The following HACE1 variants were observed in gnomAD, a reference collection of about 807,000 sequenced individuals.
The protein encoded by HACE1 is E3 ubiquitin-protein ligase HACE1.
HACE1 carries 73 observed loss-of-function variants against 118.4 expected under a neutral mutation model. The observed-to-expected ratio is 0.62, with a 90% CI of 0.51 to 0.75. HACE1 has a LOEUF of 0.75. Among genes scored for constraint, HACE1 ranks in the 30% least tolerant of loss-of-function variants. The probability of loss-of-function intolerance (pLI) is 0.00; values close to 1 mark genes in which losing one functional copy is unlikely to be tolerated. For synonymous variants in HACE1, 368 were observed against 374.8 expected (o/e 0.98, Z 0.21); for missense variants, 749 against 1,102.2 (o/e 0.68, Z 4.54).
chr6:104,799,119 T>C (rs1337215375), intron 7 of HACE1, among the ~76,000 whole-genome samples: 1 of 152,222 alleles, frequency 6.6e-6, no homozygotes, highest in Non-Finnish European at 1.5e-5. Flanking sequence ...TAGGATATAC[T>C]AGGTAACAAG....
chr6:104,790,273 T>C (rs940584769), intron 11 of HACE1, among the ~76,000 whole-genome samples: 2 of 152,208 alleles, frequency 1.3e-5, no homozygotes, highest in Non-Finnish European at 2.9e-5. Flanking sequence ...ACTTTATTTT[T>C]ACCTTTTTGC....
intron 11 of HACE1, 50 bp from the exon 12 acceptor site, chr6:104,785,369 T>TAAAAAAAAAAAAAAAAAAAAAAAAAA: frequency 1.3e-6 from 1 of 743,258 alleles, no homozygotes; most frequent in African/African-American, 1.9e-5. Flanking sequence ...ACTACAGGAT[T>TAAAAAAAAAAAAAAAAAAAAAAAAAA]AAAAAAAAAA....
intron 19 of HACE1, among the ~76,000 whole-genome samples, chr6:104,769,464 T>C (rs188366369): frequency 5.3e-5 from 8 of 152,326 alleles, no homozygotes; most frequent in East Asian, 1.9e-4. Flanking sequence ...TTACCCTTAA[T>C]TGAGGGTAGG....
In HACE1 at chr6:104,784,496, A is replaced by C; in HGVS notation, c.1410-11T>G. ...CGAGGTGAAGTCATTCTGTGGGGGGAAAACATCAATCAGAATACACAGGCA... is the reference window on the plus strand; with the variant it reads ...CGAGGTGAAGTCATTCTGTGGGGGGCAAACATCAATCAGAATACACAGGCA... On this transcript the variant is annotated splice_polypyrimidine_tract_variant and intron_variant, in intron 12 of 23. Transcript: ENST00000262903. 1 of 1,594,022 alleles carries C rather than the reference A, an allele frequency of 6.3e-7. No homozygotes were observed. Among genetic ancestry groups the C allele is most frequent in the Non-Finnish European group, 8.6e-7 (1 of 1,161,908 alleles).
chr6:104,806,234 G>A (rs1770978981), intron 7 of HACE1, among the ~76,000 whole-genome samples: 1 of 152,142 alleles, frequency 6.6e-6, no homozygotes, highest in Admixed American at 6.5e-5. Flanking sequence ...GGCTTAGACT[G>A]GAGAATCACT....
chr6:104,812,672 G>T (rs1393304386), intron 6 of HACE1, among the ~76,000 whole-genome samples: 1 of 151,940 alleles, frequency 6.6e-6, no homozygotes, highest in African/African-American at 2.4e-5. Flanking sequence ...GCAGATCAAA[G>T]AAAGCTGAAG....
At chr6:104,772,438 G>A (rs1780733994) in intron 17 of HACE1, among the ~76,000 whole-genome samples, 2 of 151,968 alleles carry the variant, frequency 1.3e-5, no homozygotes, top group African/African-American at 4.8e-5. Flanking sequence ...CAGTTTCCTA[G>A]GCAGTATGGC....
At chr6:104,851,769 C>T (rs900330317) in intron 2 of HACE1, among the ~76,000 whole-genome samples, 2 of 152,056 alleles carry the variant, frequency 1.3e-5, no homozygotes, top group East Asian at 3.8e-4. Flanking sequence ...AAAATAGTTT[C>T]TCTTTACATT....
At chr6:104,825,599 G>T (rs2115044255) in intron 6 of HACE1, among the ~76,000 whole-genome samples, 1 of 152,210 alleles carries the variant, frequency 6.6e-6, no homozygotes, top group Admixed American at 6.5e-5. Context: ...TTGCATAGGG[G>T]TGTGACCTTT....
intron 1 of HACE1, among the ~76,000 whole-genome samples, chr6:104,853,614 T>G (rs1407613423): frequency 5.3e-5 from 8 of 152,160 alleles, no homozygotes; most frequent in African/African-American, 1.9e-4. Context: ...TTACACAGTA[T>G]CAAGTACCTC....
intron 1 of HACE1, 53 bp from the exon 2 acceptor site, chr6:104,852,424 G>T: frequency 9.6e-7 from 1 of 1,037,774 alleles, no homozygotes; most frequent in Non-Finnish European, 1.5e-6. Flanking sequence ...TGCAAGGGGT[G>T]ATACTTAAGA....
chr6:104,817,825 A>G (rs1222499342), intron 6 of HACE1, among the ~76,000 whole-genome samples: 2 of 152,208 alleles, frequency 1.3e-5, no homozygotes, highest in Non-Finnish European at 2.9e-5. Flanking sequence ...AACTATATAT[A>G]ACCAATACTG....
chr6:104,853,758 T>C (rs1776461309), intron 1 of HACE1, among the ~76,000 whole-genome samples: 1 of 152,198 alleles, frequency 6.6e-6, no homozygotes, highest in African/African-American at 2.4e-5. Context: ...GTTACTGATA[T>C]GATCCACTGA....
intron 6 of HACE1, among the ~76,000 whole-genome samples, chr6:104,827,350 T>A (rs1264352459): frequency 6.6e-6 from 1 of 152,178 alleles, no homozygotes; most frequent in Non-Finnish European, 1.5e-5. Flanking sequence ...TCTGATGACA[T>A]GAGTTATGGC....
chr6:104,848,092 TC>T (rs1357507457), intron 4 of HACE1, among the ~76,000 whole-genome samples: 1 of 151,454 alleles, frequency 6.6e-6, no homozygotes, highest in East Asian at 2.0e-4. Context: ...CCTCAGATGA[TC>T]CGCCCGCCTT....
intron 12 of HACE1, 79 bp downstream of exon 12, chr6:104,784,906 G>T (rs2114795771): frequency 1.1e-6 from 1 of 922,478 alleles, no homozygotes; most frequent in Non-Finnish European, 1.7e-6. Flanking sequence ...ATTATTTGTT[G>T]TTTTTGAAAT....
chr6:104,736,952 A>G (rs572588651), intron 22 of HACE1, among the ~76,000 whole-genome samples: 7 of 152,188 alleles, frequency 4.6e-5, no homozygotes, highest in African/African-American at 1.7e-4. Flanking sequence ...ATTTTCTACA[A>G]TGATTAAACA....
intron 10 of HACE1, among the ~76,000 whole-genome samples, chr6:104,792,995 G>A (rs1015038090): frequency 1.3e-5 from 2 of 152,142 alleles, no homozygotes; most frequent in East Asian, 1.9e-4. Context: ...TTTGCCGGGC[G>A]TGGTGGCTCA....
chr6:104,757,941 A>T (rs970250554), intron 19 of HACE1, among the ~76,000 whole-genome samples: 2 of 152,178 alleles, frequency 1.3e-5, no homozygotes, highest in African/African-American at 4.8e-5. Context: ...GGAAGAAAGG[A>T]TGTCAATGAC....
Sources: gnomAD v4.1 joint callset for allele counts (sites outside exome capture counted in the v4.1 genomes callset) on GRCh38, gnomAD v4.1.1 for gene constraint, MANE v1.5 for transcripts, NCBI Gene and HGNC (gene_info 2026-07-23, HGNC 2026-07-21) for gene names.